Variants in ODC1 observed in about 807,000 individuals in gnomAD.
ODC1 encodes the protein ornithine decarboxylase.
ODC1 carries 18 observed loss-of-function variants against 41.5 expected under a neutral mutation model. The observed-to-expected ratio is 0.43, with a 90% CI of 0.30 to 0.64. The LOEUF is 0.64. Ranked by LOEUF, ODC1 falls within the 30% of genes least tolerant of loss-of-function variation. The pLI, the probability that ODC1 is intolerant of heterozygous loss-of-function variation, is 0.11. For synonymous variants in ODC1, 218 were observed against 211.6 expected (o/e 1.03, Z -0.26); for missense variants, 504 against 589.0 (o/e 0.86, Z 1.49).
intron 8 of ODC1, among the ~76,000 whole-genome samples, chr2:10,442,869 C>T (rs1246352300): frequency 6.7e-6 from 1 of 148,966 alleles, no homozygotes; most frequent in African/African-American, 2.5e-5. Context: ...CGCCACCACA[C>T]CAGGCTAATT....
chr2:10,443,718 C>A lies in ODC1; in HGVS notation c.568G>T (p.Asp190Tyr). The A allele has an allele frequency of 6.2e-7, 1 of 1,614,166 alleles. No individual in the cohort carries two copies. Among genetic ancestry groups the A allele is most frequent in the South Asian group, 1.1e-5 (1 of 91,086 alleles). ...AAATCTCACCTGACACCAACAACATCGATATTTAGCTCTTTCGCCCGTTCC... is the reference window on the plus strand; with the variant it reads ...AAATCTCACCTGACACCAACAACATAGATATTTAGCTCTTTCGCCCGTTCC... ...LLERAKELNI[D>Y]VVGVSFHVGS... The change falls in exon 6 of 12, where the codon GAT becomes TAT. Residue 190 changes from aspartate (D) to tyrosine (Y), a missense_variant. Physicochemically the swap from Asp to Tyr is radical, Grantham distance 160. This residue lies in a region of ODC1 where 447 missense variants were observed against 524.4 expected (regional missense o/e 0.85). Transcript: ENST00000234111.
Position 10,443,846 on chromosome 2 carries a change from A to G in ODC1, c.450-10T>C. ...AATCCGCAAAACCAACCTACAAGCA[A>G]GGAAAGTGCAGCAAATGTCTCATGA... On this transcript the variant is annotated splice_polypyrimidine_tract_variant and intron_variant, in intron 5 of 11. Transcript: ENST00000234111. 2 of 1,613,062 alleles carry G rather than the reference A, an allele frequency of 1.2e-6. No individual in the cohort carries two copies. Among genetic ancestry groups the G allele is most frequent in the Non-Finnish European group, 1.7e-6 (2 of 1,179,104 alleles).
intron 1 of ODC1, 58 bp from the exon 2 acceptor site, chr2:10,445,322 G>A: frequency 5.8e-6 from 2 of 345,616 alleles, no homozygotes; most frequent in South Asian, 2.5e-5. Context: ...AGTTGAAGAT[G>A]GGGCACTGGC....
Position 10,447,217 on chromosome 2 carries a change from C to T in ODC1, c.-128+904G>A, listed in dbSNP as rs116245326. 3.8e-3 allele frequency among the ~76,000 whole-genome samples: 574 copies of T among 152,244 alleles called. 5 individuals carry two copies. Among genetic ancestry groups the T allele is most frequent in the African/African-American group, 0.013 (548 of 41,516 alleles). On this transcript the variant is annotated intron_variant, in intron 1 of 11. Coordinates refer to ENST00000234111, the MANE Select transcript of ODC1 (RefSeq NM_002539.3). The stretch of plus-strand genomic sequence containing the variant: ...ATTTTACTGAAGAACACCTTTCGGT[C>T]TTTCTGTAACAGCTAAGTTATTTAA...
chr2:10,443,603 T>A, intron 6 of ODC1, 32 bp from the exon 7 acceptor site: 1 of 1,607,964 alleles, frequency 6.2e-7, no homozygotes, highest in South Asian at 1.1e-5. Flanking sequence ...AGACACTGTG[T>A]CTTAGTATTT....
Position 10,444,169 on chromosome 2 carries a change from A to G in ODC1, c.375T>C (p.Asn125=). 1 of 1,612,798 alleles carries G rather than the reference A, an allele frequency of 6.2e-7. No individual in the cohort carries two copies. The highest frequency in any genetic ancestry group is 8.5e-7 in the Non-Finnish European group (1 of 1,179,712). ...CAAAAGTCATCATCTGGACTCCATT[A>G]TTAGCAGCATACTTAATTTGAGATA... ...KQVSQIKYAA[N]NGVQMMTFDS... Residue 125 remains asparagine (N), a synonymous_variant, in exon 5 of 12, where the codon AAT becomes AAC. Transcript: ENST00000234111.
At position 10,441,525 on chromosome 2, in the gene ODC1, T is replaced by A. The variant is rs1455623642; in HGVS notation, c.1225A>T (p.Met409Leu). The A allele has an allele frequency of 1.2e-6, 2 of 1,613,912 alleles. No individual in the cohort carries two copies. Among genetic ancestry groups the A allele is most frequent in the South Asian group, 1.1e-5 (1 of 91,068 alleles). Reference protein sequence around the residue: ...GFQRPTIYYVMSGPAWQLMQQ... With the variant: ...GFQRPTIYYVLSGPAWQLMQQ... ...CTTACTTACCACGCAGGCCCTGACATCACATAGTAGATCGTCGGCCTCTGG... is the reference window on the plus strand; with the variant it reads ...CTTACTTACCACGCAGGCCCTGACAACACATAGTAGATCGTCGGCCTCTGG... Residue 409 changes from methionine to leucine, a missense_variant, in exon 11 of 12, where the codon ATG (methionine) becomes TTG (leucine). This residue lies in a region of ODC1 where 447 missense variants were observed against 524.4 expected (regional missense o/e 0.85). Coordinates refer to ENST00000234111, the MANE Select transcript of ODC1 (RefSeq NM_002539.3).
At chr2:10,445,889 G>A (rs1448185998) in intron 1 of ODC1, among the ~76,000 whole-genome samples, 1 of 152,148 alleles carries the variant, frequency 6.6e-6, no homozygotes, top group South Asian at 2.1e-4. Context: ...ACCCGCCTCG[G>A]TCTTCCAAAG....
Position 10,441,948 on chromosome 2 carries a change from A to C in ODC1, c.914-19T>G, listed in dbSNP as rs201790003. 6.8e-6 allele frequency: 11 copies of C among 1,613,528 alleles called. No individual in the cohort carries two copies. The highest frequency in any genetic ancestry group is 4.4e-5 in the South Asian group (4 of 91,060). On this transcript the variant is annotated intron_variant, in intron 9 of 11. Transcript: ENST00000234111. ...TCTTCGTCTAGAAAGGCAGATCAACAATCTTAATGACTTTTTGCATCAGCT... is the reference window on the plus strand; with the variant it reads ...TCTTCGTCTAGAAAGGCAGATCAACCATCTTAATGACTTTTTGCATCAGCT...
Position 10,440,683 on chromosome 2 carries a change from ATT to A in ODC1, c.*39_*40del. 6.3e-7 allele frequency: 1 copy of A among 1,597,942 alleles called. No homozygotes were observed. The highest frequency in any genetic ancestry group is 8.6e-7 in the Non-Finnish European group (1 of 1,169,020). ...TTACATGGTCCCCCCAAATCCCTTA[ATT>A]CAAGCTAAACTTGCAGTTAACAGCT... is the stretch of plus-strand genomic sequence containing the variant. On this transcript the variant is annotated 3_prime_UTR_variant, in exon 12 of 12. Coordinates refer to ENST00000234111, the MANE Select transcript of ODC1 (RefSeq NM_002539.3).
chr2:10,444,070 G>C lies in ODC1; in HGVS notation c.449+25C>G, dbSNP rs28362398. The C allele has an allele frequency of 4.3e-4, 665 of 1,558,626 alleles. 5 individuals are homozygous for C. The African/African-American group carries it at 8.3e-3, about 19-fold the overall frequency. ...CCACATATCTTATGCTCCCGATCTT[G>C]CCCTCAGATGGGGGAATAACTCACT... On this transcript the variant is annotated intron_variant, in intron 5 of 11. Transcript: ENST00000234111.
chr2:10,442,713 T>G (rs184125549), intron 8 of ODC1, among the ~76,000 whole-genome samples: 2 of 152,036 alleles, frequency 1.3e-5, no homozygotes, highest in Non-Finnish European at 2.9e-5. Flanking sequence ...GCAACATGCT[T>G]TTTCTTTTTT....
chr2:10,441,998 T>TCC lies in ODC1; in HGVS notation c.913+12_913+13dup, dbSNP rs1472116705. The TCC allele has an allele frequency of 3.1e-6, 5 of 1,612,956 alleles. No homozygotes were observed. The highest frequency in any genetic ancestry group is 4.2e-6 in the Non-Finnish European group (5 of 1,179,232). Reference sequence around the variant, plus strand: ...TTTCAGTTATACATGAAGTGATTCGTCCTTTATACATACCATCAGAGCCCG... The same window carrying TCC: ...TTTCAGTTATACATGAAGTGATTCGTCCCCTTTATACATACCATCAGAGCCCG... On this transcript the variant is annotated intron_variant, in intron 9 of 11. Transcript: ENST00000234111.
In ODC1 at chr2:10,443,274, C is replaced by A. The variant is rs143860094; in HGVS notation, c.706G>T (p.Gly236Cys). 6.2e-7 allele frequency: 1 copy of A among 1,612,480 alleles called. No homozygotes were observed. The highest frequency in any genetic ancestry group is 1.1e-5 in the South Asian group (1 of 90,672). The change falls in exon 8 of 12, where the codon GGT (glycine) becomes TGT (cysteine). Residue 236 changes from glycine to cysteine, a missense_variant. Coordinates refer to ENST00000234111, the MANE Select transcript of ODC1 (RefSeq NM_002539.3). ...GFSMYLLDIG[G>C]GFPGSEDVKL... ...ACATCCTCAGATCCAGGAAAGCCAC[C>A]GCCAATATCAAGCAGATACATGCTG...
chr2:10,448,322 A>C lies in ODC1; in HGVS notation c.-329T>G, dbSNP rs1245901786. The C allele has an allele frequency of 1.5e-5, 4 of 265,398 alleles. No homozygotes were observed. The highest frequency in any genetic ancestry group is 2.3e-5 in the African/African-American group (1 of 43,734). 16.4% of individuals were successfully genotyped at this position (265,398 alleles called of 1,614,324 possible). A position where few individuals can be genotyped will look rare whatever the true frequency, so the allele number is the denominator to read the frequency against. On this transcript the variant is annotated 5_prime_UTR_variant, in exon 1 of 12. Coordinates refer to ENST00000234111, the MANE Select transcript of ODC1 (RefSeq NM_002539.3). ...GGCGGCGGCGGCGGCTACAGGAGGG[A>C]CTGACAAAGCCCCACGGCACGCCGC...
intron 1 of ODC1, chr2:10,446,715 A>G: frequency 2.2e-6 from 1 of 446,118 alleles, no homozygotes; most frequent in Non-Finnish European, 4.3e-6. Flanking sequence ...CTTCTTTTCC[A>G]CTGTGCAACC....
At position 10,448,274 on chromosome 2, in the gene ODC1, C is replaced by G. The variant is rs1317046788; in HGVS notation, c.-281G>C. On this transcript the variant is annotated 5_prime_UTR_variant, in exon 1 of 12. Coordinates refer to ENST00000234111, the MANE Select transcript of ODC1 (RefSeq NM_002539.3). ...ACGCCGGCCCGAGGTGGCGCCGGAG[C>G]TGCTGGCAGAGGGGCGGCGGGCGGC... The G allele has an allele frequency of 4.2e-6, 1 of 236,342 alleles. No homozygotes were observed. Among genetic ancestry groups the G allele is most frequent in the Non-Finnish European group, 8.1e-6 (1 of 122,920 alleles). 14.6% of individuals were successfully genotyped at this position (236,342 alleles called of 1,614,324 possible). A position where few individuals can be genotyped will look rare whatever the true frequency, so the allele number is the denominator to read the frequency against.
rs1671954825 is a variant in ODC1, at chr2:10,444,826, A to G, written c.102+105T>C. Reference sequence around the variant, plus strand: ...ACCAGTGAATTAATTTCTACATTCCATAACAAGACATGTAAGCCTCATTGC... The same window carrying G: ...ACCAGTGAATTAATTTCTACATTCCGTAACAAGACATGTAAGCCTCATTGC... On this transcript the variant is annotated intron_variant, in intron 3 of 11. Transcript: ENST00000234111. 5 of 898,500 alleles carry G rather than the reference A, an allele frequency of 5.6e-6. No homozygotes were observed. The South Asian group carries it at 6.2e-5, about 11-fold the overall frequency. 55.7% of individuals were successfully genotyped at this position (898,500 alleles called of 1,614,324 possible).
Position 10,445,196 on chromosome 2 carries a change from T to G in ODC1, c.-59A>C, listed in dbSNP as rs2148071093. The G allele has an allele frequency of 1.8e-6, 1 of 558,300 alleles. No individual in the cohort carries two copies. The highest frequency in any genetic ancestry group is 4.7e-4 in the Middle Eastern group (1 of 2,116). The allele number at this position is 558,300 out of a possible 1,614,324, so 34.6% of individuals were successfully genotyped here. On this transcript the variant is annotated 5_prime_UTR_variant, in exon 2 of 12. Coordinates refer to ENST00000234111, the MANE Select transcript of ODC1 (RefSeq NM_002539.3). The stretch of plus-strand genomic sequence containing the variant: ...TGGAATTGAAAGAAATATTTCCAGC[T>G]TCTCACAAAGGCAACTCTCCAGGAA...
Sources: gnomAD v4.1 joint callset for allele counts (sites outside exome capture counted in the v4.1 genomes callset) on GRCh38, gnomAD v4.1.1 for gene constraint, gnomAD v4.1.1 regional missense constraint, MANE v1.5 for transcripts, NCBI Gene and HGNC (gene_info 2026-07-23, HGNC 2026-07-21) for gene names.